Variants in HEMK2 observed in about 807,000 individuals in gnomAD.
HEMK2 encodes methyltransferase HEMK2.
At chr21:28,651,036 C>A in the HEMK2 span, among the ~76,000 whole-genome samples, 1 of 151,964 alleles carries the variant, frequency 6.6e-6, no homozygotes, top group Non-Finnish European at 1.5e-5. Context: ...GGAGAGGAGA[C>A]CGTAGTTGGA....
At chr21:28,686,469 G>A in the HEMK2 span, among the ~76,000 whole-genome samples, 11 of 152,104 alleles carry the variant, frequency 7.2e-5, no homozygotes, top group African/African-American at 2.7e-4. Context: ...TCCTGACCTC[G>A]TGATCCTCCC....
At chr21:28,600,996 A>T in the HEMK2 span, among the ~76,000 whole-genome samples, 1 of 152,186 alleles carries the variant, frequency 6.6e-6, no homozygotes, top group Non-Finnish European at 1.5e-5. Flanking sequence ...TAAGCCAAAA[A>T]CCTTGGAGTT....
chr21:28,866,148 G>GAAA, the HEMK2 span, among the ~76,000 whole-genome samples: 6 of 17,484 alleles, frequency 3.4e-4, no homozygotes, highest in African/African-American at 7.2e-4. Context: ...TGTCTCTACA[G>GAAA]AAAAAACAAA....
At chr21:28,614,894 A>G in the HEMK2 span, among the ~76,000 whole-genome samples, 1 of 152,160 alleles carries the variant, frequency 6.6e-6, no homozygotes, top group Non-Finnish European at 1.5e-5. Context: ...ATATTTTTCA[A>G]TCTTGTAAGC....
chr21:28,673,523 A>T, the HEMK2 span, among the ~76,000 whole-genome samples: 1 of 111,068 alleles, frequency 9.0e-6, no homozygotes, highest in Non-Finnish European at 1.9e-5. Flanking sequence ...ATATGACTTG[A>T]AAAAGCTACA....
the HEMK2 span, among the ~76,000 whole-genome samples, chr21:28,820,133 G>T: frequency 0.082 from 12,507 of 152,094 alleles, 1,181 homozygotes; most frequent in African/African-American, 0.22. Context: ...CCAAAATATG[G>T]CTCCCTAGTA....
At chr21:28,864,504 T>C in the HEMK2 span, among the ~76,000 whole-genome samples, 1 of 152,198 alleles carries the variant, frequency 6.6e-6, no homozygotes. Flanking sequence ...ATGAGCTCAT[T>C]CAATCACATG....
At chr21:28,864,805 TGAAA>T in the HEMK2 span, among the ~76,000 whole-genome samples, 24,349 of 143,448 alleles carry the variant, frequency 0.17, 2,180 homozygotes, top group Middle Eastern at 0.22. Context: ...TACCTCTCTC[TGAAA>T]GACAGACAGA....
the HEMK2 span, among the ~76,000 whole-genome samples, chr21:28,838,696 T>C: frequency 8.4e-3 from 1,274 of 151,508 alleles, 15 homozygotes; most frequent in African/African-American, 0.029. Flanking sequence ...TCCCAGCACT[T>C]TGGGAGGCCG....
chr21:28,701,755 C>T, the HEMK2 span, among the ~76,000 whole-genome samples: 2 of 152,034 alleles, frequency 1.3e-5, no homozygotes, highest in South Asian at 2.1e-4. Context: ...GGCCATATTG[C>T]CCAAAGCAAT....
At chr21:28,802,619 T>C in the HEMK2 span, among the ~76,000 whole-genome samples, 4 of 152,244 alleles carry the variant, frequency 2.6e-5, no homozygotes, top group Non-Finnish European at 4.4e-5. Flanking sequence ...TAGTCCCAGC[T>C]ACTCGGGAGG....
At chr21:28,728,858 A>G in the HEMK2 span, among the ~76,000 whole-genome samples, 1 of 152,034 alleles carries the variant, frequency 6.6e-6, no homozygotes, top group East Asian at 1.9e-4. Flanking sequence ...TCAAGCTGCC[A>G]GGACACAGAT....
At chr21:28,609,985 A>G in the HEMK2 span, among the ~76,000 whole-genome samples, 4 of 152,232 alleles carry the variant, frequency 2.6e-5, no homozygotes, top group African/African-American at 4.8e-5. Context: ...AACATATTTG[A>G]GGGAATCATC....
the HEMK2 span, among the ~76,000 whole-genome samples, chr21:28,640,699 C>T: frequency 4.7e-5 from 6 of 128,648 alleles, no homozygotes; most frequent in African/African-American, 1.5e-4. Context: ...GGCTTCAAAA[C>T]AAATCCAATC....
At chr21:28,799,744 A>G in the HEMK2 span, among the ~76,000 whole-genome samples, 52 of 152,124 alleles carry the variant, frequency 3.4e-4, no homozygotes, top group African/African-American at 1.2e-3. Flanking sequence ...AATGTTCCCT[A>G]TTTTTCCCTA....
the HEMK2 span, among the ~76,000 whole-genome samples, chr21:28,836,116 A>G: frequency 1.2e-4 from 19 of 152,232 alleles, no homozygotes; most frequent in African/African-American, 4.6e-4. Context: ...ATAGACATGT[A>G]AATACAAGAA....
chr21:28,783,874 C>T, the HEMK2 span, among the ~76,000 whole-genome samples: 1 of 152,216 alleles, frequency 6.6e-6, no homozygotes, highest in Admixed American at 6.5e-5. Context: ...CCACCAGCCC[C>T]GGGCAGTGAG....
At chr21:28,590,613 A>T in the HEMK2 span, among the ~76,000 whole-genome samples, 1 of 152,204 alleles carries the variant, frequency 6.6e-6, no homozygotes, top group African/African-American at 2.4e-5. Context: ...TTAAGAAAAG[A>T]CACAGCATTA....
chr21:28,807,500 T>G, the HEMK2 span, among the ~76,000 whole-genome samples: 1 of 152,158 alleles, frequency 6.6e-6, no homozygotes, highest in Non-Finnish European at 1.5e-5. Flanking sequence ...GCAGTCACCA[T>G]AGGGACCTCA....
Sources: allele counts gnomAD v4.1 joint callset (sites outside exome capture counted in the v4.1 genomes callset), GRCh38; gene constraint gnomAD v4.1.1; transcripts MANE v1.5; gene names NCBI Gene and HGNC (gene_info 2026-07-23, HGNC 2026-07-21).